Variants in NKAIN2 observed in about 807,000 individuals in gnomAD.
The protein encoded by NKAIN2 is sodium/potassium transporting ATPase interacting 2.
In NKAIN2, 14 loss-of-function variants were observed where a neutral mutation model predicts 32.6. The ratio of observed to expected loss-of-function variants is 0.43; its 90% CI spans 0.28 to 0.67. NKAIN2 has a LOEUF of 0.67. Among genes scored for constraint, NKAIN2 ranks in the 30% least tolerant of loss-of-function variants. NKAIN2 has a pLI of 0.17. For missense variants in NKAIN2, 198 were observed against 258.3 expected, an observed-to-expected ratio of 0.77 and a Z score of 1.60; for synonymous variants, 80 against 87.2, an observed-to-expected ratio of 0.92 and a Z score of 0.46.
At chr6:124,616,437 C>CTTTTTTTT (rs79406895) in intron 3 of NKAIN2, among the ~76,000 whole-genome samples, 2 of 70,464 alleles carry the variant, frequency 2.8e-5, no homozygotes, top group African/African-American at 6.9e-5. Flanking sequence ...TCTTTTCTTT[C>CTTTTTTTT]TTTTTTTTTT....
intron 1 of NKAIN2, among the ~76,000 whole-genome samples, chr6:124,067,775 T>C (rs1261349537): frequency 6.6e-6 from 1 of 152,200 alleles, no homozygotes; most frequent in Non-Finnish European, 1.5e-5. Context: ...TCCCCAGTTA[T>C]AATCCAAGAA....
intron 4 of NKAIN2, among the ~76,000 whole-genome samples, chr6:124,711,365 T>A: frequency 9.7e-6 from 1 of 102,980 alleles, no homozygotes; most frequent in Non-Finnish European, 1.9e-5. Flanking sequence ...AACGTTGGCC[T>A]GCCTTGCTAG....
chr6:124,282,429 C>T (rs1317284337), intron 1 of NKAIN2, among the ~76,000 whole-genome samples: 4 of 151,372 alleles, frequency 2.6e-5, no homozygotes, highest in Non-Finnish European at 1.5e-5. Context: ...CTACACACCT[C>T]GTCAAAGTCC....
intron 3 of NKAIN2, among the ~76,000 whole-genome samples, chr6:124,357,058 A>G (rs1402851120): frequency 6.6e-6 from 1 of 152,194 alleles, no homozygotes; most frequent in Non-Finnish European, 1.5e-5. Context: ...GACCTCAGAC[A>G]CAGGCATTGA....
intron 3 of NKAIN2, among the ~76,000 whole-genome samples, chr6:124,650,375 AATACAATACCATTTAT>A (rs1478401373): frequency 6.6e-6 from 1 of 152,184 alleles, no homozygotes; most frequent in African/African-American, 2.4e-5. Flanking sequence ...TGAAATTTAA[AATACAATACCATTTAT>A]ATTACCACAC....
At chr6:124,221,032 C>G (rs2114695140) in intron 1 of NKAIN2, among the ~76,000 whole-genome samples, 1 of 152,048 alleles carries the variant, frequency 6.6e-6, no homozygotes, top group Non-Finnish European at 1.5e-5. Context: ...AGGTGAGAAA[C>G]TTTACTGAGG....
At chr6:124,405,236 T>G (rs1278749237) in intron 3 of NKAIN2, among the ~76,000 whole-genome samples, 1 of 152,214 alleles carries the variant, frequency 6.6e-6, no homozygotes, top group Non-Finnish European at 1.5e-5. Context: ...CCTAAAATTT[T>G]GCAAAATATG....
chr6:124,688,630 G>A (rs1438084224), intron 4 of NKAIN2, among the ~76,000 whole-genome samples: 2 of 151,782 alleles, frequency 1.3e-5, no homozygotes, highest in African/African-American at 4.8e-5. Flanking sequence ...TGTCTACCCA[G>A]CCCTCCCCCT....
At chr6:123,850,103 G>A (rs1038743674) in intron 1 of NKAIN2, among the ~76,000 whole-genome samples, 3 of 151,138 alleles carry the variant, frequency 2.0e-5, no homozygotes, top group African/African-American at 7.3e-5. Flanking sequence ...CCCGCATGCC[G>A]AGCTGCTTTT....
intron 3 of NKAIN2, among the ~76,000 whole-genome samples, chr6:124,398,509 G>T (rs1050098368): frequency 2.0e-5 from 3 of 152,052 alleles, no homozygotes; most frequent in African/African-American, 7.2e-5. Flanking sequence ...ATTAGTCTAT[G>T]GAGATCCAAA....
chr6:123,837,076 T>A (rs1437767665), intron 1 of NKAIN2, among the ~76,000 whole-genome samples: 3 of 152,148 alleles, frequency 2.0e-5, no homozygotes, highest in Non-Finnish European at 4.4e-5. Context: ...TCAGAAGAAA[T>A]GAAATCACCC....
At chr6:124,703,807 A>G (rs535979249) in intron 4 of NKAIN2, among the ~76,000 whole-genome samples, 167 of 152,130 alleles carry the variant, frequency 1.1e-3, no homozygotes, top group African/African-American at 3.9e-3. Flanking sequence ...AAATTTACCA[A>G]CAGATAGGGA....
At chr6:124,646,255 G>A (rs1186612647) in intron 3 of NKAIN2, among the ~76,000 whole-genome samples, 1 of 151,954 alleles carries the variant, frequency 6.6e-6, no homozygotes, top group Non-Finnish European at 1.5e-5. Context: ...TATATAAAAA[G>A]AACAATTAGA....
At chr6:124,110,313 T>C (rs970989242) in intron 1 of NKAIN2, among the ~76,000 whole-genome samples, 2 of 152,072 alleles carry the variant, frequency 1.3e-5, no homozygotes, top group African/African-American at 2.4e-5. Context: ...AAAAAGTATT[T>C]GACAAAATTC....
At chr6:124,690,851 C>A (rs1198530601) in intron 4 of NKAIN2, among the ~76,000 whole-genome samples, 1 of 152,198 alleles carries the variant, frequency 6.6e-6, no homozygotes. Flanking sequence ...TAAAGTCACA[C>A]TTTCCTCCTA....
chr6:123,938,394 G>A (rs1362309097), intron 1 of NKAIN2, among the ~76,000 whole-genome samples: 8 of 90,194 alleles, frequency 8.9e-5, no homozygotes, highest in Admixed American at 1.5e-4. Flanking sequence ...CATTTGCAAG[G>A]GTTATATATA....
At chr6:124,523,974 G>C (rs960557251) in intron 3 of NKAIN2, among the ~76,000 whole-genome samples, 1 of 152,150 alleles carries the variant, frequency 6.6e-6, no homozygotes, top group African/African-American at 2.4e-5. Context: ...TGAGTGAATA[G>C]AACTCTATTG....
intron 1 of NKAIN2, among the ~76,000 whole-genome samples, chr6:123,867,396 G>C (rs1488162123): frequency 6.6e-6 from 1 of 152,000 alleles, no homozygotes; most frequent in Non-Finnish European, 1.5e-5. Context: ...CTGTTATATT[G>C]GTTGATTCGT....
At chr6:124,733,281 C>T (rs1305326833) in intron 4 of NKAIN2, among the ~76,000 whole-genome samples, 3 of 151,682 alleles carry the variant, frequency 2.0e-5, no homozygotes, top group African/African-American at 7.3e-5. Context: ...CAGAATATTA[C>T]AGTATAAAGA....
Sources: gnomAD v4.1 joint callset for allele counts (sites outside exome capture counted in the v4.1 genomes callset) on GRCh38, gnomAD v4.1.1 for gene constraint, MANE v1.5 for transcripts, NCBI Gene and HGNC (gene_info 2026-07-23, HGNC 2026-07-21) for gene names.